Variants in TRABD2B observed in about 807,000 individuals in gnomAD.
TRABD2B encodes the protein metalloprotease TIKI2.
In TRABD2B, 14 loss-of-function variants were observed where a neutral mutation model predicts 40.1. The observed-to-expected ratio is 0.35, with a 90% CI of 0.23 to 0.55. TRABD2B has a LOEUF of 0.55. Ranked by LOEUF, TRABD2B falls within the 20% of genes least tolerant of loss-of-function variation. The pLI is 0.90. For synonymous variants in TRABD2B, 263 were observed against 277.0 expected, an observed-to-expected ratio of 0.95 and a Z score of 0.50; for missense variants, 541 against 648.6, an observed-to-expected ratio of 0.83 and a Z score of 1.80.
chr1:47,996,732 G>A lies in TRABD2B; in HGVS notation c.58C>T (p.Arg20Cys), dbSNP rs1182588642. ...TGTCCTCCGTCCGGGGGCTGCGGGC[G>A]GGCGCGAGCGGTGGCGAGGAGGGCG... The part of the protein sequence containing the change: ...LAALLATARA[R>C]PQPPDGGQCR... The change falls in exon 1 of 7, where the codon CGC (arginine) becomes TGC (cysteine). Residue 20 changes from arginine (R) to cysteine (C), a missense_variant. Around this residue, in one of 2 missense-constraint regions of TRABD2B, gnomAD observed 369 missense variants for 492.8 expected, o/e 0.75. Coordinates refer to ENST00000606738, the MANE Select transcript of TRABD2B (RefSeq NM_001194986.2). This position sits in a 1 kb window ranked among gnomAD's most constrained non-coding sequence, Gnocchi z 4.6. The A allele has an allele frequency of 5.7e-6, 7 of 1,227,082 alleles. No individual in the cohort carries two copies. The highest frequency in any genetic ancestry group is 7.1e-6 in the Non-Finnish European group (7 of 984,048). 76.0% of individuals were successfully genotyped at this position (1,227,082 alleles called of 1,614,324 possible). A position where few individuals can be genotyped will look rare whatever the true frequency, so the allele number is the denominator to read the frequency against.
intron 2 of TRABD2B, among the ~76,000 whole-genome samples, chr1:47,934,560 G>A (rs1316931491): frequency 6.6e-6 from 1 of 152,222 alleles, no homozygotes; most frequent in Admixed American, 6.5e-5. Flanking sequence ...GAGCAGCTTT[G>A]GGGAGTTCTC....
intron 2 of TRABD2B, among the ~76,000 whole-genome samples, chr1:47,837,315 G>A (rs1409080253): frequency 5.9e-5 from 9 of 152,198 alleles, no homozygotes; most frequent in Non-Finnish European, 1.2e-4. Flanking sequence ...ACATTAGGAC[G>A]TCTTGTTAAG....
At chr1:47,834,225 T>A (rs1645288012) in intron 2 of TRABD2B, among the ~76,000 whole-genome samples, 2 of 152,236 alleles carry the variant, frequency 1.3e-5, no homozygotes, top group African/African-American at 4.8e-5. Context: ...CAGGGGCGTT[T>A]GTTGCAGACA....
intron 2 of TRABD2B, among the ~76,000 whole-genome samples, chr1:47,970,743 T>C (rs1325096040): frequency 1.3e-5 from 2 of 152,196 alleles, no homozygotes; most frequent in Non-Finnish European, 2.9e-5. Flanking sequence ...TGGGTTGGAC[T>C]CAGGTCTGCT....
chr1:47,890,569 G>T (rs982452867), intron 2 of TRABD2B, among the ~76,000 whole-genome samples: 3 of 152,040 alleles, frequency 2.0e-5, no homozygotes, highest in African/African-American at 7.2e-5. Context: ...TCCTACTGCT[G>T]GGGGGGCCCA....
chr1:47,761,153 G>A lies in TRABD2B; in HGVS notation c.*4749C>T, dbSNP rs79599292. 2,272 of 152,572 alleles carry A rather than the reference G, an allele frequency of 0.015. 75 individuals carry two copies. The highest frequency in any genetic ancestry group is 0.084 in the Admixed American group (1,285 of 15,294). 9.5% of individuals were successfully genotyped at this position (152,572 alleles called of 1,614,324 possible). On this transcript the variant is annotated 3_prime_UTR_variant, in exon 7 of 7. Transcript: ENST00000606738. ...AGGTCTTCATTTGACAGATGAGGAA[G>A]TGAAGGCTCAGAGAGGGACAGGAAC...
intron 2 of TRABD2B, among the ~76,000 whole-genome samples, chr1:47,840,392 G>A (rs1645380538): frequency 1.3e-5 from 2 of 152,216 alleles, no homozygotes; most frequent in Non-Finnish European, 2.9e-5. Flanking sequence ...CACTAGTCAA[G>A]CTGGTAAGTG....
intron 2 of TRABD2B, among the ~76,000 whole-genome samples, chr1:47,875,253 A>G (rs913108943): frequency 2.6e-5 from 4 of 151,774 alleles, no homozygotes; most frequent in Non-Finnish European, 5.9e-5. Flanking sequence ...TCCTGAGTAC[A>G]GTGGAAGACT....
chr1:47,951,695 C>T (rs1312374526), intron 2 of TRABD2B, among the ~76,000 whole-genome samples: 1 of 152,186 alleles, frequency 6.6e-6, no homozygotes, highest in East Asian at 1.9e-4. Context: ...GCAGGCTGAG[C>T]AGTCCCTAGT....
intron 2 of TRABD2B, among the ~76,000 whole-genome samples, chr1:47,890,804 C>A (rs1644434375): frequency 6.6e-6 from 1 of 152,210 alleles, no homozygotes; most frequent in African/African-American, 2.4e-5. Context: ...GAATATAATT[C>A]CCAACTTCAA....
chr1:47,878,509 G>A (rs1644256193), intron 2 of TRABD2B, among the ~76,000 whole-genome samples: 1 of 152,148 alleles, frequency 6.6e-6, no homozygotes, highest in Non-Finnish European at 1.5e-5. Context: ...CATAGCGAGT[G>A]AAAAAGCAAG....
chr1:47,968,552 G>GCA (rs147915982), intron 2 of TRABD2B, among the ~76,000 whole-genome samples: 156 of 150,706 alleles, frequency 1.0e-3, no homozygotes, highest in African/African-American at 2.0e-3. Flanking sequence ...GCACATGCGT[G>GCA]CACACACACA....
rs956311523 is a variant in TRABD2B, at chr1:47,994,716, C to T, written c.103-119G>A. 9 of 901,136 alleles carry T rather than the reference C, an allele frequency of 1.0e-5. No individual in the cohort carries two copies. The highest frequency in any genetic ancestry group is 2.8e-5 in the Admixed American group (1 of 35,650). 55.8% of individuals were successfully genotyped at this position (901,136 alleles called of 1,614,324 possible). On this transcript the variant is annotated intron_variant, in intron 1 of 6. Transcript: ENST00000606738. The surrounding 1 kb of genome is among the most constrained non-coding windows in gnomAD (Gnocchi z 6.7). Reference sequence around the variant, plus strand: ...TGGGAGGCAGAGACCATACACAGGCCGTGGTAAAGAGCCAGGTCTTTGGAG... The same window carrying T: ...TGGGAGGCAGAGACCATACACAGGCTGTGGTAAAGAGCCAGGTCTTTGGAG...
chr1:47,966,299 GTATT>G (rs1349263491), intron 2 of TRABD2B, among the ~76,000 whole-genome samples: 1 of 152,174 alleles, frequency 6.6e-6, no homozygotes, highest in Admixed American at 6.5e-5. Flanking sequence ...ACGCTTGTCA[GTATT>G]TATGGCCACA....
At position 47,765,430 on chromosome 1, in the gene TRABD2B, G is replaced by A; in HGVS notation, c.*472C>T. 1 of 157,532 alleles carries A rather than the reference G, an allele frequency of 6.3e-6. No individual in the cohort carries two copies. The highest frequency in any genetic ancestry group is 1.4e-5 in the Non-Finnish European group (1 of 71,296). The allele number at this position is 157,532 out of a possible 1,614,324, so 9.8% of individuals were successfully genotyped here. ...TTCACACCTCTGGCTCCCAAATCCA[G>A]CTTCACAAAGGCTAAGCCTGCCTGC... On this transcript the variant is annotated 3_prime_UTR_variant, in exon 7 of 7. Coordinates refer to ENST00000606738, the MANE Select transcript of TRABD2B (RefSeq NM_001194986.2).
At chr1:47,846,884 A>ACACG in intron 2 of TRABD2B, among the ~76,000 whole-genome samples, 1 of 151,946 alleles carries the variant, frequency 6.6e-6, no homozygotes, top group Non-Finnish European at 1.5e-5. Flanking sequence ...ACACACACAC[A>ACACG]CACACACACA....
chr1:47,946,276 T>A (rs559400200), intron 2 of TRABD2B, among the ~76,000 whole-genome samples: 21 of 152,336 alleles, frequency 1.4e-4, no homozygotes, highest in African/African-American at 4.3e-4. Context: ...CTTTATATAT[T>A]CTAAAGACAA....
chr1:47,816,116 C>T (rs1256330009), intron 2 of TRABD2B, among the ~76,000 whole-genome samples: 1 of 152,104 alleles, frequency 6.6e-6, no homozygotes, highest in African/African-American at 2.4e-5. Flanking sequence ...TTTGTGTCTT[C>T]AGCCTCACCC....
chr1:47,847,313 G>A (rs1420977592), intron 2 of TRABD2B, among the ~76,000 whole-genome samples: 2 of 152,100 alleles, frequency 1.3e-5, no homozygotes, highest in East Asian at 1.9e-4. Context: ...AGGACTGGTC[G>A]CCTCTATGTT....
Sources: gnomAD v4.1 joint callset for allele counts (sites outside exome capture counted in the v4.1 genomes callset) on GRCh38, gnomAD v4.1.1 for gene constraint, gnomAD v4.1.1 regional missense constraint, Gnocchi (gnomAD v3.1) non-coding constraint, MANE v1.5 for transcripts, NCBI Gene and HGNC (gene_info 2026-07-23, HGNC 2026-07-21) for gene names.